RNF130: variants seen among roughly 807,000 people sequenced by gnomAD.
RNF130 encodes the protein ring finger protein 130.
RNF130 carries 21 observed loss-of-function variants against 44.6 expected under a neutral mutation model. That is an observed-to-expected ratio of 0.47 (90% CI 0.33 to 0.68). The LOEUF (loss-of-function observed/expected upper bound fraction) is 0.68. Among genes scored for constraint, RNF130 ranks in the 30% least tolerant of loss-of-function variants. The pLI, the probability that RNF130 is intolerant of heterozygous loss-of-function variation, is 0.02. For synonymous variants in RNF130, 214 were observed against 210.4 expected, an observed-to-expected ratio of 1.02 and a Z score of -0.15; for missense variants, 479 against 560.6, an observed-to-expected ratio of 0.85 and a Z score of 1.47.
intron 4 of RNF130, among the ~76,000 whole-genome samples, 176 bp from the exon 5 acceptor site, chr5:179,978,461 TAAGTCA>T (rs551838539): frequency 1.3e-5 from 2 of 152,254 alleles, no homozygotes; most frequent in Non-Finnish European, 2.9e-5. Flanking sequence ...AAATTATGTC[TAAGTCA>T]ATCTATTTTG....
chr5:179,979,800 T>A (rs1662164725), intron 4 of RNF130, among the ~76,000 whole-genome samples: 1 of 152,144 alleles, frequency 6.6e-6, no homozygotes, highest in South Asian at 2.1e-4. Context: ...CAACTCTCCA[T>A]GTATCTAGTG....
intron 2 of RNF130, among the ~76,000 whole-genome samples, chr5:180,029,351 C>T (rs1446589770): frequency 6.6e-6 from 1 of 152,090 alleles, no homozygotes; most frequent in Non-Finnish European, 1.5e-5. Flanking sequence ...GAATATGTGA[C>T]AGGCAGCATC....
At chr5:180,010,470 G>A (rs927894559) in intron 3 of RNF130, among the ~76,000 whole-genome samples, 4 of 151,892 alleles carry the variant, frequency 2.6e-5, no homozygotes, top group South Asian at 4.2e-4. Context: ...AGCAATTCTC[G>A]TGCTTCAGCC....
chr5:179,965,036 C>T (rs1447676353), intron 7 of RNF130, among the ~76,000 whole-genome samples: 1 of 152,104 alleles, frequency 6.6e-6, no homozygotes, highest in Non-Finnish European at 1.5e-5. Context: ...CTTTTTTCTT[C>T]TTGGAGACTT....
intron 3 of RNF130, among the ~76,000 whole-genome samples, chr5:179,981,510 T>C (rs1321823335): frequency 6.6e-6 from 1 of 152,240 alleles, no homozygotes; most frequent in Non-Finnish European, 1.5e-5. Flanking sequence ...GTATCTAACA[T>C]CCGGCTTCCA....
chr5:180,006,537 C>T (rs1385091558), intron 3 of RNF130, among the ~76,000 whole-genome samples: 2 of 152,148 alleles, frequency 1.3e-5, no homozygotes, highest in Admixed American at 1.3e-4. Context: ...TGGCAAGAAG[C>T]TTTTACAAAT....
chr5:179,925,890 C>T (rs1234107289), intron 7 of RNF130, among the ~76,000 whole-genome samples: 2 of 152,128 alleles, frequency 1.3e-5, no homozygotes, highest in South Asian at 2.1e-4. Flanking sequence ...TCCATATAGA[C>T]GGAGAACGTG....
intron 1 of RNF130, among the ~76,000 whole-genome samples, chr5:180,063,585 A>C (rs188764698): frequency 1.3e-5 from 2 of 152,354 alleles, no homozygotes; most frequent in African/African-American, 4.8e-5. Flanking sequence ...GCCTAGGCTA[A>C]AAATCAAGAT....
intron 3 of RNF130, among the ~76,000 whole-genome samples, chr5:180,011,569 C>T: frequency 6.6e-6 from 1 of 152,034 alleles, no homozygotes; most frequent in Non-Finnish European, 1.5e-5. Flanking sequence ...AGTTTGAGAC[C>T]AGCCTGGCCA....
At chr5:179,982,753 AT>A (rs1302086643) in intron 3 of RNF130, among the ~76,000 whole-genome samples, 3 of 151,876 alleles carry the variant, frequency 2.0e-5, no homozygotes, top group Non-Finnish European at 4.4e-5. Flanking sequence ...CTGATTTTTT[AT>A]TTTTATTTTT....
At chr5:180,033,384 C>T (rs1764176421) in intron 2 of RNF130, among the ~76,000 whole-genome samples, 1 of 152,122 alleles carries the variant, frequency 6.6e-6, no homozygotes, top group South Asian at 2.1e-4. Context: ...AGAATGAACT[C>T]TTCTTAATTT....
At chr5:179,999,593 G>T (rs1365343646) in intron 3 of RNF130, among the ~76,000 whole-genome samples, 3 of 152,052 alleles carry the variant, frequency 2.0e-5, no homozygotes, top group Non-Finnish European at 2.9e-5. Context: ...TTGGTGGTAG[G>T]CACCTGTAAT....
chr5:179,927,008 G>A (rs1448325292), intron 7 of RNF130, among the ~76,000 whole-genome samples: 1 of 152,216 alleles, frequency 6.6e-6, no homozygotes, highest in Non-Finnish European at 1.5e-5. Flanking sequence ...AGTCTTCTGT[G>A]TTGACTGTTA....
At chr5:179,996,692 T>C (rs963974616) in intron 3 of RNF130, among the ~76,000 whole-genome samples, 10 of 152,260 alleles carry the variant, frequency 6.6e-5, no homozygotes, top group African/African-American at 2.4e-4. Flanking sequence ...CTCTTTTCAA[T>C]GTGTTGCTGG....
intron 2 of RNF130, among the ~76,000 whole-genome samples, chr5:180,020,413 C>T (rs561158842): frequency 2.0e-5 from 3 of 152,288 alleles, no homozygotes; most frequent in African/African-American, 7.2e-5. Flanking sequence ...TACGCCACCA[C>T]CACAGGATCC....
At chr5:179,982,158 T>C (rs1762855137) in intron 3 of RNF130, among the ~76,000 whole-genome samples, 1 of 151,920 alleles carries the variant, frequency 6.6e-6, no homozygotes. Flanking sequence ...TATGTACTAC[T>C]GTGTGTACGG....
At position 180,008,576 on chromosome 5, in the gene RNF130, G is replaced by C. The variant is rs187421626; in HGVS notation, c.693+4485C>G. Reference sequence around the variant, plus strand: ...CATAATGGAATCAAACCAGAAATCAGTAACACTAAGATAATAGTAAAATCT... The same window carrying C: ...CATAATGGAATCAAACCAGAAATCACTAACACTAAGATAATAGTAAAATCT... On this transcript the variant is annotated intron_variant, in intron 3 of 8. Coordinates refer to ENST00000521389, the MANE Select transcript of RNF130 (RefSeq NM_018434.6). Among the ~76,000 whole-genome samples the C allele has an allele frequency of 2.0e-5, 3 of 152,168 alleles. No individual in the cohort carries two copies. The East Asian group carries it at 5.8e-4, about 29-fold the overall frequency.
intron 3 of RNF130, among the ~76,000 whole-genome samples, chr5:179,992,199 T>C (rs1763098857): frequency 1.3e-5 from 2 of 152,228 alleles, no homozygotes; most frequent in African/African-American, 4.8e-5. Flanking sequence ...TGGAGTGCAG[T>C]GGCACGATCT....
chr5:179,972,394 G>C (rs942633072), intron 5 of RNF130, among the ~76,000 whole-genome samples: 1 of 152,246 alleles, frequency 6.6e-6, no homozygotes, highest in African/African-American at 2.4e-5. Context: ...GGGTGGCCGG[G>C]AAGGTGCTGC....
Sources: gnomAD v4.1 joint callset for allele counts (sites outside exome capture counted in the v4.1 genomes callset) on GRCh38, gnomAD v4.1.1 for gene constraint, MANE v1.5 for transcripts, NCBI Gene and HGNC (gene_info 2026-07-23, HGNC 2026-07-21) for gene names.